The following ACIN1 variants were observed in gnomAD, a reference collection of about 807,000 sequenced individuals.
ACIN1 encodes apoptotic chromatin condensation inducer in the nucleus.
In ACIN1, 16 loss-of-function variants were observed where a neutral mutation model predicts 146.6. That is an observed-to-expected ratio of 0.11 (90% CI 0.07 to 0.17). The LOEUF (loss-of-function observed/expected upper bound fraction) is 0.17, where lower values mean the gene tolerates loss of function less well. Ranked by LOEUF, ACIN1 falls within the 10% of genes least tolerant of loss-of-function variation. The probability of loss-of-function intolerance (pLI) is 1.00; values close to 1 mark genes in which losing one functional copy is unlikely to be tolerated. For synonymous variants in ACIN1, 569 were observed against 582.7 expected (o/e 0.98, Z 0.34); for missense variants, 1,357 against 1,609.3 (o/e 0.84, Z 2.68).
chr14:23,068,845 C>G lies in ACIN1; in HGVS notation c.2265+631G>C. ...AACCCAGCTCATTCTTTCTCAATTACTTTAAGAGCCAAGAAGACTTCGCTG... is the reference window on the plus strand; with the variant it reads ...AACCCAGCTCATTCTTTCTCAATTAGTTTAAGAGCCAAGAAGACTTCGCTG... On this transcript the variant is annotated intron_variant, in intron 9 of 18. Transcript: ENST00000605057. This position sits in a 1 kb window ranked among gnomAD's most constrained non-coding sequence, Gnocchi z 4.3. 1.0e-6 allele frequency: 1 copy of G among 985,416 alleles called. No homozygotes were observed. The allele number at this position is 985,416 out of a possible 1,614,324, so 61.0% of individuals were successfully genotyped here.
Position 23,078,957 on chromosome 14 carries a change from T to G in ACIN1, c.1870A>C (p.Thr624Pro), listed in dbSNP as rs377334859. 3.7e-6 allele frequency: 6 copies of G among 1,614,126 alleles called. No homozygotes were observed. The highest frequency in any genetic ancestry group is 1.7e-5 in the Admixed American group (1 of 60,020). ...KDPSSGQEVA[T>P]PPVPQLQVCE... ...ACCTGCAGTTGTGGCACTGGTGGAG[T>G]TGCAACCTCCTGACCAGAAGAGGGA... The change falls in exon 7 of 19, where the codon ACT becomes CCT. Residue 624 changes from threonine to proline, a missense_variant. Around this residue, in one of 4 missense-constraint regions of ACIN1, gnomAD observed 771 missense variants for 746.6 expected, o/e 1.03. Coordinates refer to ENST00000605057, the MANE Select transcript of ACIN1 (RefSeq NM_001386863.1).
intron 1 of ACIN1, 35 bp from the exon 2 acceptor site, chr14:23,093,579 A>AG (rs759345733): frequency 6.9e-6 from 11 of 1,583,480 alleles, no homozygotes; most frequent in African/African-American, 2.7e-5. Context: ...AGAAATGATG[A>AG]GGAAAAAAAA....
chr14:23,068,816 C>T lies in ACIN1; in HGVS notation c.2265+660G>A, dbSNP rs1222644417. Reference sequence around the variant, plus strand: ...GTCCCTCCCACCTTGTTACCCCTCTCCTAAACCCAGCTCATTCTTTCTCAA... The same window carrying T: ...GTCCCTCCCACCTTGTTACCCCTCTTCTAAACCCAGCTCATTCTTTCTCAA... On this transcript the variant is annotated intron_variant, in intron 9 of 18. Transcript: ENST00000605057. The surrounding 1 kb of genome is among the most constrained non-coding windows in gnomAD (Gnocchi z 4.3). 1.0e-4 allele frequency: 103 copies of T among 985,350 alleles called. No homozygotes were observed. The highest frequency in any genetic ancestry group is 1.2e-4 in the Non-Finnish European group (103 of 829,956). The allele number at this position is 985,350 out of a possible 1,614,324, so 61.0% of individuals were successfully genotyped here. A position where few individuals can be genotyped will look rare whatever the true frequency, so the allele number is the denominator to read the frequency against.
chr14:23,063,977 G>A, intron 12 of ACIN1, 128 bp downstream of exon 12: 2 of 1,287,070 alleles, frequency 1.6e-6, no homozygotes, highest in Non-Finnish European at 2.1e-6. Context: ...CCCTGAAAGT[G>A]TCAGTCAACC....
chr14:23,077,179 C>T (rs188963395), intron 8 of ACIN1, among the ~76,000 whole-genome samples: 33 of 152,228 alleles, frequency 2.2e-4, no homozygotes, highest in Non-Finnish European at 4.3e-4. Context: ...TGCCCACTAC[C>T]CTCCAAAAGT....
chr14:23,080,100 G>C lies in ACIN1; in HGVS notation c.1235C>G (p.Thr412Ser). 6.2e-7 allele frequency: 1 copy of C among 1,614,156 alleles called. No homozygotes were observed. Among genetic ancestry groups the C allele is most frequent in the Non-Finnish European group, 8.5e-7 (1 of 1,180,016 alleles). ...AGACAGGCCTCCTACCAACTGGACA[G>C]TATGCTGAGATACTAATAGCTCCCT... Reference protein sequence around the residue: ...DTRELLVSQHTVQLVGGLSPL... With the variant: ...DTRELLVSQHSVQLVGGLSPL... The change falls in exon 6 of 19, where the codon ACT (threonine) becomes AGT (serine). Residue 412 changes from threonine (T) to serine (S), a missense_variant. By Grantham distance (58) the Thr-to-Ser change is moderately conservative (BLOSUM62 1). This residue lies in a region of ACIN1 where 771 missense variants were observed against 746.6 expected (regional missense o/e 1.03). Coordinates refer to ENST00000605057, the MANE Select transcript of ACIN1 (RefSeq NM_001386863.1).
At position 23,058,765 on chromosome 14, in the gene ACIN1, G is replaced by A. The variant is rs537237476; in HGVS notation, c.*383C>T. On this transcript the variant is annotated 3_prime_UTR_variant, in exon 19 of 19. Transcript: ENST00000605057. ...GGAGGAGATGCTGATTCAGCTCATA[G>A]GTGACCCAGTCCTGGCCCCGGCTGT... 21 of 253,830 alleles carry A rather than the reference G, an allele frequency of 8.3e-5. No individual in the cohort carries two copies. The East Asian group carries it at 1.5e-3, about 19-fold the overall frequency. 15.7% of individuals were successfully genotyped at this position (253,830 alleles called of 1,614,324 possible).
Position 23,058,971 on chromosome 14 carries a change from G to C in ACIN1, c.*177C>G, listed in dbSNP as rs561466432. 5.9e-4 allele frequency: 369 copies of C among 628,642 alleles called. 3 individuals are homozygous for C. Among genetic ancestry groups the C allele is most frequent in the Non-Finnish European group, 5.8e-5 (21 of 360,746 alleles). 38.9% of individuals were successfully genotyped at this position (628,642 alleles called of 1,614,324 possible). On this transcript the variant is annotated 3_prime_UTR_variant, in exon 19 of 19. Transcript: ENST00000605057. ...GGTCGGGCTAAGTCCCAAGAGATAG[G>C]TTAAGGGGGTGTGTTTGGGGGGAAA...
intron 4 of ACIN1, among the ~76,000 whole-genome samples, chr14:23,084,017 G>A (rs1338792128): frequency 6.6e-6 from 1 of 151,762 alleles, no homozygotes; most frequent in Admixed American, 6.6e-5. Flanking sequence ...CACGATTTCG[G>A]TTCACTGCAA....
chr14:23,066,021 G>A lies in ACIN1; in HGVS notation c.2266-13C>T, dbSNP rs780426622. ...TGGGCAGCGAGCTCTGTATGAAGAA[G>A]AAAAAGGGGAAAAAAAAGAGAAAGA... On this transcript the variant is annotated splice_polypyrimidine_tract_variant and intron_variant, in intron 9 of 18. Coordinates refer to ENST00000605057, the MANE Select transcript of ACIN1 (RefSeq NM_001386863.1). 2 of 1,610,912 alleles carry A rather than the reference G, an allele frequency of 1.2e-6. No homozygotes were observed. Among genetic ancestry groups the A allele is most frequent in the Non-Finnish European group, 8.5e-7 (1 of 1,178,244 alleles).
chr14:23,063,649 C>T (rs1421706738), intron 12 of ACIN1, 72 bp from the exon 13 acceptor site: 1 of 1,577,324 alleles, frequency 6.3e-7, no homozygotes, highest in African/African-American at 1.4e-5. Flanking sequence ...GCCTCTGGTT[C>T]CCCGGTAAGA....
At chr14:23,065,591 A>G (rs1228543998) in intron 10 of ACIN1, among the ~76,000 whole-genome samples, 1 of 152,244 alleles carries the variant, frequency 6.6e-6, no homozygotes, top group Non-Finnish European at 1.5e-5. Context: ...CTCCGTCTCA[A>G]AAAAACAACA....
chr14:23,094,938 G>C, intron 1 of ACIN1, 37 bp downstream of exon 1: 1 of 1,551,106 alleles, frequency 6.4e-7, no homozygotes, highest in Non-Finnish European at 8.7e-7. Flanking sequence ...TACCGGGTCC[G>C]CTCTCCTCCG....
Position 23,084,540 on chromosome 14 carries a change from G to A in ACIN1, c.437-2704C>T, listed in dbSNP as rs568096016. The stretch of plus-strand genomic sequence containing the variant: ...CAGAAGAATCGCTTGAACCTGGGAG[G>A]CAGAGGTTGTAGTGAGCCGAGATGG... On this transcript the variant is annotated intron_variant, in intron 4 of 18. Coordinates refer to ENST00000605057, the MANE Select transcript of ACIN1 (RefSeq NM_001386863.1). Among the ~76,000 whole-genome samples, 5 of 151,828 alleles carry A rather than the reference G, an allele frequency of 3.3e-5. No individual in the cohort carries two copies. In the South Asian group the frequency reaches 1.0e-3, roughly 32 times the overall value.
chr14:23,072,546 T>G (rs1369630042), intron 8 of ACIN1, among the ~76,000 whole-genome samples: 1 of 152,162 alleles, frequency 6.6e-6, no homozygotes, highest in Non-Finnish European at 1.5e-5. Flanking sequence ...AAACAGATGC[T>G]AATAGTTCAA....
At chr14:23,090,214 A>C in intron 3 of ACIN1, 113 bp from the exon 4 acceptor site, 1 of 1,406,190 alleles carries the variant, frequency 7.1e-7, no homozygotes, top group Non-Finnish European at 9.5e-7. Flanking sequence ...GATACATACC[A>C]AAAAGAGCAC....
At chr14:23,091,940 T>C (rs2048241071) in intron 2 of ACIN1, among the ~76,000 whole-genome samples, 3 of 152,180 alleles carry the variant, frequency 2.0e-5, no homozygotes, top group African/African-American at 4.8e-5. Context: ...CCAGGAAACA[T>C]TTTATCAAAC....
rs548051727 is a variant in ACIN1, at chr14:23,073,187, G to C, written c.2124-3570C>G. The stretch of plus-strand genomic sequence containing the variant: ...TTTTCAGCAATGCCCTTATCACTCT[G>C]TATAATAACTGCTACTTTATCTGCC... On this transcript the variant is annotated intron_variant, in intron 8 of 18. Transcript: ENST00000605057. Among the ~76,000 whole-genome samples, 4 of 152,316 alleles carry C rather than the reference G, an allele frequency of 2.6e-5. No individual in the cohort carries two copies. The East Asian group carries it at 7.7e-4, about 29-fold the overall frequency.
chr14:23,072,821 G>A (rs2047698082), intron 8 of ACIN1, among the ~76,000 whole-genome samples: 1 of 152,196 alleles, frequency 6.6e-6, no homozygotes, highest in East Asian at 1.9e-4. Context: ...GTCCCTGTCT[G>A]CTCAGGGTTA....
Sources: allele counts gnomAD v4.1 joint callset (sites outside exome capture counted in the v4.1 genomes callset), GRCh38; gene constraint gnomAD v4.1.1; regional missense constraint gnomAD v4.1.1; non-coding constraint Gnocchi (gnomAD v3.1); transcripts MANE v1.5; gene names NCBI Gene and HGNC (gene_info 2026-07-23, HGNC 2026-07-21).